Variants in OTOA observed in about 807,000 individuals in gnomAD.
The protein encoded by OTOA is cancer/testis antigen 108.
In OTOA, 70 loss-of-function variants were observed where a neutral mutation model predicts 110.8. The ratio of observed to expected loss-of-function variants is 0.63; its 90% confidence interval spans 0.52 to 0.77. The LOEUF (loss-of-function observed/expected upper bound fraction) is 0.77, where lower values mean the gene tolerates loss of function less well. Ranked by LOEUF, OTOA falls within the 30% of genes least tolerant of loss-of-function variation. OTOA has a pLI of 0.00. For missense variants in OTOA, 917 were observed against 1,075.8 expected (o/e 0.85, Z 2.06); for synonymous variants, 373 against 431.5 (o/e 0.86, Z 1.68).
Position 21,687,555 on chromosome 16 carries a change from G to A in OTOA, c.542G>A (p.Gly181Asp). 6.2e-7 allele frequency: 1 copy of A among 1,614,022 alleles called. No homozygotes were observed. Among genetic ancestry groups the A allele is most frequent in the Non-Finnish European group, 8.5e-7 (1 of 1,180,002 alleles). ...LNSLECVEIL[G>D]KVLRGSSGSF... ...TCCCTGGAGTGTGTGGAGATCCTGG[G>A]CAAGGTGCTGAGGGGGTCCTCAGGG... Residue 181 changes from glycine (G) to aspartate (D), a missense_variant, in exon 8 of 29, where the codon GGC (glycine) becomes GAC (aspartate). Physicochemically the swap from Gly to Asp is moderately conservative, Grantham distance 94. Transcript: ENST00000646100.
At chr16:21,688,354 A>T (rs1027011315) in intron 8 of OTOA, among the ~76,000 whole-genome samples, 1 of 152,080 alleles carries the variant, frequency 6.6e-6, no homozygotes, top group African/African-American at 2.4e-5. Flanking sequence ...ATGCCACTGC[A>T]CTCCAACCTG....
In OTOA at chr16:21,685,147, C is replaced by T. The variant is rs946322290; in HGVS notation, c.268-83C>T. ...TGGTCTCTGCAGGGAATGAGGGGGC[C>T]GGGCTGGGCCGCTGGCCATGGTGCT... On this transcript the variant is annotated intron_variant, in intron 6 of 28. Transcript: ENST00000646100. The T allele has an allele frequency of 9.6e-6, 15 of 1,564,844 alleles. No homozygotes were observed. In the Admixed American group the frequency reaches 2.4e-4, roughly 25 times the overall value.
intron 19 of OTOA, among the ~76,000 whole-genome samples, chr16:21,727,720 C>T (rs761257500): frequency 6.6e-6 from 1 of 152,124 alleles, no homozygotes. Flanking sequence ...TTACTGAGTG[C>T]TCCTGGTGTG....
rs117170148 is a variant in OTOA at position 21,714,022 on chromosome 16, G to T, written c.1321-963G>T. On this transcript the variant is annotated intron_variant, in intron 13 of 28. Transcript: ENST00000646100. The stretch of plus-strand genomic sequence containing the variant: ...GCCACTTTTACTCAGAAGGCAAGAG[G>T]TCAAAAGGTCTTGCCTTCTTTGAAG... Among the ~76,000 whole-genome samples, 30 of 152,192 alleles carry T rather than the reference G, an allele frequency of 2.0e-4. 1 individual carries two copies. In the East Asian group the frequency reaches 5.8e-3, roughly 29 times the overall value.
At chr16:21,707,593 TTTTC>T (rs58214995) in intron 12 of OTOA, among the ~76,000 whole-genome samples, 10,570 of 93,938 alleles carry the variant, frequency 0.11, 691 homozygotes, top group African/African-American at 0.15. Flanking sequence ...TTCTCCTTCC[TTTTC>T]TTTCTTTCTT....
intron 8 of OTOA, among the ~76,000 whole-genome samples, chr16:21,687,936 T>A (rs1256014030): frequency 6.6e-6 from 1 of 152,006 alleles, no homozygotes; most frequent in African/African-American, 2.4e-5. Flanking sequence ...AGTGCTTGGA[T>A]TACGGGCATG....
At chr16:21,735,259 A>G (rs1899251973) in intron 21 of OTOA, among the ~76,000 whole-genome samples, 1 of 152,136 alleles carries the variant, frequency 6.6e-6, no homozygotes, top group Non-Finnish European at 1.5e-5. Context: ...GAAACTTACA[A>G]TCATGGCGGA....
intron 1 of OTOA, among the ~76,000 whole-genome samples, chr16:21,672,236 G>A (rs1966850172): frequency 6.6e-6 from 1 of 152,116 alleles, no homozygotes; most frequent in Non-Finnish European, 1.5e-5. Context: ...CTGTGTTGTT[G>A]CCTATATCAG....
In OTOA at chr16:21,735,345, T is replaced by C. The variant is rs535207062; in HGVS notation, c.2302-916T>C. On this transcript the variant is annotated intron_variant, in intron 21 of 28. Coordinates refer to ENST00000646100, the MANE Select transcript of OTOA (RefSeq NM_144672.4). ...CGTGATGGGGGAGGTGCTACATGCA[T>C]TTAAACAACAAGATCTCGAGAGAAC... 3.4e-4 allele frequency among the ~76,000 whole-genome samples: 51 copies of C among 151,710 alleles called. 1 individual carries two copies. In the South Asian group the frequency reaches 0.01, roughly 30 times the overall value.
chr16:21,727,006 C>A, intron 19 of OTOA: 1 of 245,288 alleles, frequency 4.1e-6, no homozygotes, highest in Non-Finnish European at 7.9e-6. Context: ...GCACATCCCC[C>A]TTAGAGTTTT....
chr16:21,688,567 T>G (rs1748191740), intron 8 of OTOA, among the ~76,000 whole-genome samples: 1 of 152,144 alleles, frequency 6.6e-6, no homozygotes, highest in Non-Finnish European at 1.5e-5. Flanking sequence ...AAGAAGCATT[T>G]ATTTCTCATG....
intron 9 of OTOA, among the ~76,000 whole-genome samples, chr16:21,695,876 TATA>T (rs1897922254): frequency 5.5e-5 from 2 of 36,140 alleles, no homozygotes; most frequent in Non-Finnish European, 1.1e-4. Flanking sequence ...GATATATATA[TATA>T]TATATATATA....
At chr16:21,715,462 G>A (rs1327326872) in intron 14 of OTOA, among the ~76,000 whole-genome samples, 1 of 147,688 alleles carries the variant, frequency 6.8e-6, no homozygotes, top group Non-Finnish European at 1.5e-5. Context: ...TTTTGAGACA[G>A]TCTTTCTGTG....
intron 8 of OTOA, among the ~76,000 whole-genome samples, chr16:21,690,780 A>G (rs1001498606): frequency 2.0e-5 from 3 of 151,970 alleles, no homozygotes; most frequent in Non-Finnish European, 4.4e-5. Context: ...TGTCTTCCAC[A>G]ATGGTTGAAC....
At chr16:21,726,043 T>A (rs966356711) in intron 18 of OTOA, among the ~76,000 whole-genome samples, 5 of 152,208 alleles carry the variant, frequency 3.3e-5, no homozygotes, top group Non-Finnish European at 5.9e-5. Context: ...CTCTTTTTCT[T>A]ATCTTTCTTT....
chr16:21,730,660 G>C, intron 20 of OTOA, 177 bp from the exon 21 acceptor site: 1 of 574,672 alleles, frequency 1.7e-6, no homozygotes. Context: ...TCCCAGGGAT[G>C]ACTCTGATTG....
In OTOA at chr16:21,710,122, C is replaced by T. The variant is rs199792638; in HGVS notation, c.1320+19C>T. The T allele has an allele frequency of 2.5e-4, 401 of 1,589,424 alleles. 6 individuals carry two copies. The Middle Eastern group carries it at 8.5e-3, about 34-fold the overall frequency. On this transcript the variant is annotated intron_variant, in intron 13 of 28. Transcript: ENST00000646100. ...TGAGAAGGTCAGCTGGAGTTTTAAA[C>T]TCTTTTTTATTCCCCTAAGATGACC...
intron 18 of OTOA, among the ~76,000 whole-genome samples, chr16:21,723,344 G>C (rs909746117): frequency 2.0e-5 from 3 of 152,012 alleles, no homozygotes; most frequent in Non-Finnish European, 4.4e-5. Context: ...GGGCCTGCAG[G>C]GTGGCCCTGC....
intron 1 of OTOA, among the ~76,000 whole-genome samples, chr16:21,670,844 C>T (rs1273518906): frequency 1.3e-5 from 2 of 152,128 alleles, no homozygotes; most frequent in South Asian, 4.1e-4. Flanking sequence ...TTGAAATTTA[C>T]AATGAATTGA....
Sources: gnomAD v4.1 joint callset for allele counts (sites outside exome capture counted in the v4.1 genomes callset) on GRCh38, gnomAD v4.1.1 for gene constraint, MANE v1.5 for transcripts, NCBI Gene and HGNC (gene_info 2026-07-23, HGNC 2026-07-21) for gene names.